The following EXOC6B variants were observed in gnomAD, a reference collection of about 807,000 sequenced individuals.
The protein encoded by EXOC6B is exocyst complex component 6B.
EXOC6B carries 54 observed loss-of-function variants against 113.5 expected under a neutral mutation model. The ratio of observed to expected loss-of-function variants is 0.48; its 90% CI spans 0.38 to 0.60. EXOC6B has a LOEUF of 0.60. Ranked by LOEUF, EXOC6B falls within the 20% of genes least tolerant of loss-of-function variation. EXOC6B has a pLI of 0.00. For synonymous variants in EXOC6B, 357 were observed against 339.0 expected, an observed-to-expected ratio of 1.05 and a Z score of -0.58; for missense variants, 797 against 977.5, an observed-to-expected ratio of 0.82 and a Z score of 2.46.
intron 21 of EXOC6B, among the ~76,000 whole-genome samples, chr2:72,181,500 C>T (rs551382825): frequency 5.8e-4 from 89 of 152,266 alleles, no homozygotes; most frequent in African/African-American, 2.0e-3. Flanking sequence ...CCCTTTCCTC[C>T]GCTGAGTATA....
intron 20 of EXOC6B, among the ~76,000 whole-genome samples, chr2:72,226,225 T>TGGCATTAGTAGAAAAAC (rs1200447964): frequency 1.1e-4 from 17 of 152,132 alleles, no homozygotes; most frequent in Admixed American, 1.3e-4. Context: ...AACAGAAAAA[T>TGGCATTAGTAGAAAAAC]GGCATTAGTA....
chr2:72,690,534 A>C (rs1020419954), intron 6 of EXOC6B, among the ~76,000 whole-genome samples: 3 of 152,214 alleles, frequency 2.0e-5, no homozygotes, highest in African/African-American at 7.2e-5. Context: ...CAGCCACACA[A>C]AAAAAGTCAC....
At chr2:72,789,414 T>C (rs1396345194) in intron 1 of EXOC6B, among the ~76,000 whole-genome samples, 1 of 152,190 alleles carries the variant, frequency 6.6e-6, no homozygotes, top group Admixed American at 6.5e-5. Context: ...AAGATGGGCA[T>C]GTTTGGTGGT....
At chr2:72,535,610 C>A (rs529448309) in intron 8 of EXOC6B, among the ~76,000 whole-genome samples, 1 of 152,018 alleles carries the variant, frequency 6.6e-6, no homozygotes, top group Non-Finnish European at 1.5e-5. Context: ...TGGTGGCTCA[C>A]GCCTGTAATT....
intron 20 of EXOC6B, among the ~76,000 whole-genome samples, chr2:72,324,061 TA>T (rs201372691): frequency 1.1e-4 from 17 of 150,380 alleles, no homozygotes; most frequent in East Asian, 3.9e-4. Context: ...AATAAGCATA[TA>T]AAAAAAAAGA....
intron 18 of EXOC6B, among the ~76,000 whole-genome samples, chr2:72,448,669 T>C (rs953875900): frequency 6.6e-6 from 1 of 152,200 alleles, no homozygotes; most frequent in Admixed American, 6.5e-5. Context: ...AAAATGATTA[T>C]ATTTTGTACT....
At chr2:72,566,174 T>C (rs1704167641) in intron 7 of EXOC6B, among the ~76,000 whole-genome samples, 1 of 152,110 alleles carries the variant, frequency 6.6e-6, no homozygotes, top group Non-Finnish European at 1.5e-5. Flanking sequence ...CTATGCCCCT[T>C]TGTAGTAAAA....
chr2:72,636,373 CAAGG>C (rs1159127871), intron 6 of EXOC6B, among the ~76,000 whole-genome samples: 30 of 86,406 alleles, frequency 3.5e-4, no homozygotes, highest in African/African-American at 1.4e-3. Flanking sequence ...AGGAAGGAAG[CAAGG>C]AAGCAAGGAA....
chr2:72,305,353 T>TGTATAC (rs1274210128), intron 20 of EXOC6B, among the ~76,000 whole-genome samples: 1 of 151,700 alleles, frequency 6.6e-6, no homozygotes, highest in East Asian at 1.9e-4. Context: ...TATATGTATA[T>TGTATAC]GTATATGTAT....
At chr2:72,584,810 C>T (rs1248879135) in intron 6 of EXOC6B, among the ~76,000 whole-genome samples, 1 of 152,160 alleles carries the variant, frequency 6.6e-6, no homozygotes, top group East Asian at 1.9e-4. Flanking sequence ...ACCAACCACA[C>T]TCTCAGAGCA....
At chr2:72,243,594 G>A (rs1036983769) in intron 20 of EXOC6B, among the ~76,000 whole-genome samples, 1 of 152,172 alleles carries the variant, frequency 6.6e-6, no homozygotes, top group East Asian at 1.9e-4. Flanking sequence ...GGCCTGCTGT[G>A]GGGTGGGGGG....
At chr2:72,652,870 G>T (rs1053626162) in intron 6 of EXOC6B, among the ~76,000 whole-genome samples, 2 of 150,514 alleles carry the variant, frequency 1.3e-5, no homozygotes, top group South Asian at 2.1e-4. Context: ...TTAGGACCAC[G>T]CATGGTGGCT....
At position 72,265,268 on chromosome 2, in the gene EXOC6B, T is replaced by TATA. The variant is rs1312138522; in HGVS notation, c.2196+69676_2196+69678dup. 2.0e-5 allele frequency among the ~76,000 whole-genome samples: 3 copies of TATA among 150,328 alleles called. No homozygotes were observed. In the East Asian group the frequency reaches 5.8e-4, roughly 29 times the overall value. On this transcript the variant is annotated intron_variant, in intron 20 of 21. Transcript: ENST00000272427. ...TTATTATTATTATTATTATTATTAT[T>TATA]ATACTTTAAGTTTGAGGGTACATGT...
chr2:72,427,656 TG>T (rs1380009232), intron 18 of EXOC6B, among the ~76,000 whole-genome samples: 1 of 152,104 alleles, frequency 6.6e-6, no homozygotes, highest in Non-Finnish European at 1.5e-5. Context: ...AGGTGACCCT[TG>T]GCGTGAGCAG....
At chr2:72,691,119 T>C (rs936634881) in intron 6 of EXOC6B, among the ~76,000 whole-genome samples, 1 of 151,766 alleles carries the variant, frequency 6.6e-6, no homozygotes, top group African/African-American at 2.4e-5. Context: ...ATAAAATAAA[T>C]ACAATAAAAA....
At chr2:72,411,804 G>A (rs1694205100) in intron 18 of EXOC6B, among the ~76,000 whole-genome samples, 2 of 152,094 alleles carry the variant, frequency 1.3e-5, no homozygotes, top group Admixed American at 6.6e-5. Flanking sequence ...GCAAAAATGA[G>A]TTCATAATCA....
intron 17 of EXOC6B, among the ~76,000 whole-genome samples, chr2:72,473,075 G>A (rs957430047): frequency 6.6e-6 from 1 of 152,088 alleles, no homozygotes; most frequent in Admixed American, 6.6e-5. Context: ...AAAATTTGTT[G>A]AGATTTGTTT....
intron 19 of EXOC6B, among the ~76,000 whole-genome samples, chr2:72,377,031 T>C (rs1433797092): frequency 3.9e-5 from 6 of 151,994 alleles, no homozygotes; most frequent in East Asian, 1.9e-4. Context: ...GATTAAAAAA[T>C]GGGTAAAGGA....
intron 18 of EXOC6B, among the ~76,000 whole-genome samples, chr2:72,429,546 T>TATTTTACTA (rs1272064550): frequency 6.6e-6 from 1 of 152,226 alleles, no homozygotes; most frequent in African/African-American, 2.4e-5. Flanking sequence ...TCACAACCAT[T>TATTTTACTA]ATTTTACTAA....
Sources: allele counts gnomAD v4.1 joint callset (sites outside exome capture counted in the v4.1 genomes callset), GRCh38; gene constraint gnomAD v4.1.1; transcripts MANE v1.5; gene names NCBI Gene and HGNC (gene_info 2026-07-23, HGNC 2026-07-21).